PCDH15: variants seen among roughly 807,000 people sequenced by gnomAD.
PCDH15 encodes protocadherin related 15.
PCDH15 carries 129 observed loss-of-function variants against 178.5 expected under a neutral mutation model. That is an observed-to-expected ratio of 0.72 (90% CI 0.63 to 0.84). The LOEUF is 0.84. Ranked by LOEUF, PCDH15 falls within the 40% of genes least tolerant of loss-of-function variation. The probability of loss-of-function intolerance (pLI) is 0.00; values close to 1 mark genes in which losing one functional copy is unlikely to be tolerated. For missense variants in PCDH15, 2,230 were observed against 2,099.9 expected, an observed-to-expected ratio of 1.06 and a Z score of -1.21; for synonymous variants, 800 against 732.0, an observed-to-expected ratio of 1.09 and a Z score of -1.50.
chr10:54,633,588 G>A (rs2093761961), intron 2 of PCDH15, among the ~76,000 whole-genome samples: 1 of 152,008 alleles, frequency 6.6e-6, no homozygotes, highest in African/African-American at 2.4e-5. Flanking sequence ...TAACAGTGGA[G>A]AATTTCTGGA....
chr10:55,356,676 G>A (rs527599504), intron 2 of PCDH15, among the ~76,000 whole-genome samples: 8 of 151,776 alleles, frequency 5.3e-5, no homozygotes, highest in South Asian at 2.1e-4. Context: ...CTAGATATCT[G>A]GAATGATACT....
intron 2 of PCDH15, among the ~76,000 whole-genome samples, chr10:54,620,106 T>C (rs1565767702): frequency 1.3e-5 from 2 of 152,160 alleles, no homozygotes; most frequent in East Asian, 3.9e-4. Context: ...CAACCAGAGT[T>C]AAATCGTTGC....
chr10:55,175,816 T>C (rs916347615), intron 1 of PCDH15, among the ~76,000 whole-genome samples: 15 of 151,906 alleles, frequency 9.9e-5, no homozygotes, highest in African/African-American at 3.6e-4. Flanking sequence ...GAGGTTCTAG[T>C]GGCTACATTG....
intron 2 of PCDH15, among the ~76,000 whole-genome samples, chr10:55,071,122 C>A (rs974609120): frequency 2.0e-5 from 3 of 152,092 alleles, no homozygotes; most frequent in Non-Finnish European, 2.9e-5. Context: ...AAGGAACAAC[C>A]AGTACCAGCC....
intron 8 of PCDH15, among the ~76,000 whole-genome samples, chr10:54,282,082 A>C (rs2058735393): frequency 6.6e-6 from 1 of 152,122 alleles, no homozygotes; most frequent in Non-Finnish European, 1.5e-5. Flanking sequence ...CCAGGCTTCA[A>C]GAACTCTCCT....
intron 2 of PCDH15, among the ~76,000 whole-genome samples, chr10:55,625,928 C>T (rs1302415268): frequency 6.6e-6 from 1 of 152,132 alleles, no homozygotes; most frequent in Non-Finnish European, 1.5e-5. Flanking sequence ...TCTCCATGTC[C>T]TCCAACACAC....
chr10:53,906,169 G>C (rs1028899197), intron 25 of PCDH15, among the ~76,000 whole-genome samples: 11 of 151,782 alleles, frequency 7.2e-5, no homozygotes, highest in African/African-American at 2.4e-4. Context: ...TTGTGAAAAA[G>C]GTGTTTTCAT....
intron 3 of PCDH15, among the ~76,000 whole-genome samples, chr10:54,522,919 T>C (rs192860226): frequency 1.8e-3 from 273 of 152,326 alleles, no homozygotes; most frequent in Middle Eastern, 3.4e-3. Context: ...AATACTAAAC[T>C]TTGACTAGGA....
At chr10:54,172,062 G>T (rs556976674) in intron 13 of PCDH15, among the ~76,000 whole-genome samples, 45 of 152,056 alleles carry the variant, frequency 3.0e-4, no homozygotes, top group African/African-American at 1.1e-3. Flanking sequence ...AGGAATGTCA[G>T]GCCTCTGAGC....
At chr10:55,338,120 G>T (rs1844448108) in intron 2 of PCDH15, among the ~76,000 whole-genome samples, 1 of 152,140 alleles carries the variant, frequency 6.6e-6, no homozygotes, top group South Asian at 2.1e-4. Context: ...TCTCACCCCA[G>T]TTAAAATGGT....
intron 26 of PCDH15, among the ~76,000 whole-genome samples, chr10:53,886,552 T>G (rs1027644300): frequency 8.6e-5 from 13 of 151,828 alleles, no homozygotes; most frequent in East Asian, 3.9e-4. Flanking sequence ...TTCATGTTTT[T>G]GGGGCAGGAG....
intron 8 of PCDH15, among the ~76,000 whole-genome samples, chr10:54,308,223 C>T (rs2060671599): frequency 6.6e-6 from 1 of 151,982 alleles, no homozygotes; most frequent in Non-Finnish European, 1.5e-5. Context: ...TGTAGGAAAA[C>T]TTATAAACAT....
At chr10:55,439,962 G>A (rs550997506) in intron 2 of PCDH15, among the ~76,000 whole-genome samples, 6 of 152,238 alleles carry the variant, frequency 3.9e-5, no homozygotes, top group Admixed American at 1.3e-4. Context: ...AAAGTGTATA[G>A]AAGAACTGAG....
intron 15 of PCDH15, among the ~76,000 whole-genome samples, chr10:54,098,478 A>C (rs2094744005): frequency 6.6e-6 from 1 of 152,198 alleles, no homozygotes; most frequent in African/African-American, 2.4e-5. Context: ...GTCATCTGGA[A>C]TGATGCTGAA....
At chr10:54,021,892 T>C (rs2092931372) in intron 19 of PCDH15, among the ~76,000 whole-genome samples, 1 of 152,108 alleles carries the variant, frequency 6.6e-6, no homozygotes, top group African/African-American at 2.4e-5. Context: ...CTTGGCATAC[T>C]ATACATACTG....
At chr10:54,203,501 G>C (rs1249085765) in intron 10 of PCDH15, among the ~76,000 whole-genome samples, 1 of 152,084 alleles carries the variant, frequency 6.6e-6, no homozygotes, top group Non-Finnish European at 1.5e-5. Context: ...AAGGTAATTT[G>C]ACATACAGAA....
In PCDH15 at chr10:53,822,954, C is replaced by T. The variant is rs149384350; in HGVS notation, c.4368-2724G>A. Reference sequence around the variant, plus strand: ...CTGCTGCAGATCTATGATCTCTGGTCTATTTGGAACTTTCCTCATCAGCCT... The same window carrying T: ...CTGCTGCAGATCTATGATCTCTGGTTTATTTGGAACTTTCCTCATCAGCCT... On this transcript the variant is annotated intron_variant, in intron 32 of 37. Transcript: ENST00000644397. 1.8e-4 allele frequency: 286 copies of T among 1,613,942 alleles called. No homozygotes were observed. The highest frequency in any genetic ancestry group is 1.0e-4 in the Non-Finnish European group (118 of 1,179,994).
rs377015399 is a variant in PCDH15 at position 54,287,660 on chromosome 10, GGACAA to G, written c.876+29606_876+29610del. ...ATGACAGGACTATTTAAAGCACTGA[GGACAA>G]GACAAGATGTTTATATATACTTCCT... is the stretch of plus-strand genomic sequence containing the variant. On this transcript the variant is annotated intron_variant, in intron 8 of 37. Transcript: ENST00000644397. Among the ~76,000 whole-genome samples, 629 of 152,096 alleles carry G rather than the reference GGACAA, an allele frequency of 4.1e-3. 8 individuals are homozygous for G. The highest frequency in any genetic ancestry group is 0.012 in the African/African-American group (517 of 41,502).
At chr10:54,210,557 G>C (rs763802159) in intron 10 of PCDH15, among the ~76,000 whole-genome samples, 4 of 152,034 alleles carry the variant, frequency 2.6e-5, no homozygotes, top group Non-Finnish European at 4.4e-5. Flanking sequence ...TATGCCTTTC[G>C]AGGGCAAATG....
Sources: allele counts gnomAD v4.1 joint callset (sites outside exome capture counted in the v4.1 genomes callset), GRCh38; gene constraint gnomAD v4.1.1; transcripts MANE v1.5; gene names NCBI Gene and HGNC (gene_info 2026-07-23, HGNC 2026-07-21).